Variants in ZNF141 observed in about 807,000 individuals in gnomAD.
ZNF141 encodes the protein zinc finger protein 141, also known as zinc finger protein 141 (clone pHZ-44).
Under a neutral mutation model 11.3 loss-of-function variants are expected in ZNF141, and 7 were observed. That is an observed-to-expected ratio of 0.62 (90% CI 0.35 to 1.16). ZNF141 has a LOEUF of 1.16. ZNF141 is among the 50% of genes most tolerant of loss of function. ZNF141 has a pLI of 0.02. For missense variants in ZNF141, 535 were observed against 554.0 expected, an observed-to-expected ratio of 0.97 and a Z score of 0.34; for synonymous variants, 183 against 190.7, an observed-to-expected ratio of 0.96 and a Z score of 0.33.
intron 3 of ZNF141, among the ~76,000 whole-genome samples, chr4:346,893 A>ACACC (rs373224939): frequency 0.018 from 2,492 of 135,132 alleles, 115 homozygotes; most frequent in African/African-American, 0.028. Context: ...ACACACACAC[A>ACACC]CCGCCCCCCC....
At chr4:338,392 C>CA (rs1229927883) in intron 1 of ZNF141, 2 of 186,180 alleles carry the variant, frequency 1.1e-5, no homozygotes, top group African/African-American at 4.8e-5. Context: ...AATGGGGACT[C>CA]ATTAATGGGA....
chr4:374,700 GAT>G lies in ZNF141; in HGVS notation c.*839_*840del, dbSNP rs1449516213. On this transcript the variant is annotated 3_prime_UTR_variant, in exon 4 of 4. Transcript: ENST00000240499. ...GATATAAAACCATAGAAATGTAAAA[GAT>G]GTGACAAAACCTTTAAGCCATACTC... 1.9e-5 allele frequency: 3 copies of G among 153,908 alleles called. No homozygotes were observed. Among genetic ancestry groups the G allele is most frequent in the Non-Finnish European group, 4.3e-5 (3 of 68,972 alleles). 9.5% of individuals were successfully genotyped at this position (153,908 alleles called of 1,614,324 possible). A position where few individuals can be genotyped will look rare whatever the true frequency, so the allele number is the denominator to read the frequency against.
chr4:369,764 A>ATTTTTTTTTTTTTTTTT (rs34509477), intron 3 of ZNF141, among the ~76,000 whole-genome samples: 7 of 48,722 alleles, frequency 1.4e-4, no homozygotes, highest in African/African-American at 1.0e-3. Flanking sequence ...ATATATATAT[A>ATTTTTTTTTTTTTTTTT]TTTTTTTTTT....
At position 339,015 on chromosome 4, in the gene ZNF141, A is replaced by G. The variant is rs535855919; in HGVS notation, c.3+1029A>G. 2.0e-4 allele frequency among the ~76,000 whole-genome samples: 31 copies of G among 152,286 alleles called. No individual in the cohort carries two copies. The East Asian group carries it at 5.6e-3, about 28-fold the overall frequency. Reference sequence around the variant, plus strand: ...GGGCGCTGAGAACTTGGAGGAAAGGAGTTCTGAGAAACATCCCTTCCCTGC... The same window carrying G: ...GGGCGCTGAGAACTTGGAGGAAAGGGGTTCTGAGAAACATCCCTTCCCTGC... On this transcript the variant is annotated intron_variant, in intron 1 of 3. Coordinates refer to ENST00000240499, the MANE Select transcript of ZNF141 (RefSeq NM_003441.4).
intron 3 of ZNF141, among the ~76,000 whole-genome samples, chr4:365,594 T>G (rs1553852847): frequency 6.6e-6 from 1 of 152,294 alleles, no homozygotes. Context: ...CTGTAGATTA[T>G]CTCTTCACTT....
At chr4:367,762 G>A (rs552071795) in intron 3 of ZNF141, among the ~76,000 whole-genome samples, 14 of 151,916 alleles carry the variant, frequency 9.2e-5, no homozygotes, top group Non-Finnish European at 1.8e-4. Flanking sequence ...TGATCTGTCC[G>A]CCACGGCCTC....
chr4:344,530 T>A, intron 3 of ZNF141, 100 bp downstream of exon 3: 3 of 959,580 alleles, frequency 3.1e-6, no homozygotes, highest in Non-Finnish European at 4.6e-6. Flanking sequence ...GTGCAGTGGC[T>A]CATGCCTGTA....
intron 3 of ZNF141, among the ~76,000 whole-genome samples, chr4:359,554 C>T (rs1403381482): frequency 4.6e-5 from 7 of 152,064 alleles, no homozygotes; most frequent in African/African-American, 1.7e-4. Context: ...ATTTCTCCCT[C>T]CAGATTTCTA....
chr4:359,925 G>A (rs1191728073), intron 3 of ZNF141, among the ~76,000 whole-genome samples: 1 of 152,178 alleles, frequency 6.6e-6, no homozygotes, highest in East Asian at 1.9e-4. Context: ...ACAGACAGAA[G>A]CAACATCTAA....
intron 3 of ZNF141, among the ~76,000 whole-genome samples, chr4:362,220 G>C (rs1711527421): frequency 6.6e-6 from 1 of 152,094 alleles, no homozygotes; most frequent in African/African-American, 2.4e-5. Context: ...CTTTTTGATA[G>C]GGTTGTTTGA....
rs1321182710 is a variant in ZNF141, at chr4:345,729, C to CAAAAA, written c.226+1316_226+1320dup. 7.0e-3 allele frequency among the ~76,000 whole-genome samples: 454 copies of CAAAAA among 64,562 alleles called. 5 individuals carry two copies. The highest frequency in any genetic ancestry group is 0.064 in the Middle Eastern group (6 of 94). 42.4% of individuals were successfully genotyped at this position (64,562 alleles called of 152,430 possible). A position where few individuals can be genotyped will look rare whatever the true frequency, so the allele number is the denominator to read the frequency against. ...GGCAACAAGAGTGAAACTCTGTCTC[C>CAAAAA]AAAAAAAAAAAAAAAAAAAAAGTTT... is the stretch of plus-strand genomic sequence containing the variant. On this transcript the variant is annotated intron_variant, in intron 3 of 3. Transcript: ENST00000240499.
At position 372,718 on chromosome 4, in the gene ZNF141, C is replaced by G. The variant is rs1322017019; in HGVS notation, c.281C>G (p.Ser94Ter). 9.3e-6 allele frequency: 15 copies of G among 1,607,340 alleles called. No homozygotes were observed. The highest frequency in any genetic ancestry group is 5.4e-5 in the African/African-American group (4 of 74,662). Reference sequence around the variant, plus strand: ...TGGCCAGTGCAGGGCATAGAAGATTCATTCCACAAACTTATACTGAGAAGA... The same window carrying G: ...TGGCCAGTGCAGGGCATAGAAGATTGATTCCACAAACTTATACTGAGAAGA... ...DHWPVQGIED[S>*]FHKLILRRYE... Residue 94 changes from serine (S) to a stop codon, truncating the protein, a stop_gained, in exon 4 of 4, where the codon TCA becomes TGA. Transcript: ENST00000240499. LOFTEE classifies it low-confidence loss of function (END_TRUNC).
chr4:354,957 T>G (rs184511312), intron 3 of ZNF141, among the ~76,000 whole-genome samples: 3 of 152,202 alleles, frequency 2.0e-5, no homozygotes, highest in Admixed American at 6.5e-5. Context: ...TGGGCCAGAT[T>G]TATGACAGGT....
chr4:356,977 T>C (rs1402298658), intron 3 of ZNF141, among the ~76,000 whole-genome samples: 1 of 152,170 alleles, frequency 6.6e-6, no homozygotes, highest in Non-Finnish European at 1.5e-5. Context: ...TTTGTACAGA[T>C]AGGGTCTTAC....
At chr4:371,599 G>T (rs1321895575) in intron 3 of ZNF141, among the ~76,000 whole-genome samples, 2 of 150,330 alleles carry the variant, frequency 1.3e-5, no homozygotes, top group Non-Finnish European at 1.5e-5. Flanking sequence ...GAGTGCAGTG[G>T]CATGATCTCG....
rs1186780062 is a variant in ZNF141, at chr4:376,389, CA to C, written c.*2529del. Among the ~76,000 whole-genome samples, 1 of 151,992 alleles carries C rather than the reference CA, an allele frequency of 6.6e-6. No individual in the cohort carries two copies. Among genetic ancestry groups the C allele is most frequent in the Non-Finnish European group, 1.5e-5 (1 of 67,892 alleles). On this transcript the variant is annotated 3_prime_UTR_variant, in exon 4 of 4. Transcript: ENST00000240499. ...TGGGTTATTTTCTTATACAGGCATA[CA>C]ACATGTAATATACCAGAGTAAATGA...
chr4:368,337 G>T (rs1169124391), intron 3 of ZNF141, among the ~76,000 whole-genome samples: 1 of 152,068 alleles, frequency 6.6e-6, no homozygotes. Flanking sequence ...CACGTCCCAG[G>T]TTCAAGCAAT....
Position 337,883 on chromosome 4 carries a change from G to C in ZNF141, c.-101G>C. ...TCTCTCTGCGTTCTCAGTTGTGGGA[G>C]GCCTTGGTGATTCGGCCACAGCTCA... On this transcript the variant is annotated 5_prime_UTR_variant, in exon 1 of 4. Coordinates refer to ENST00000240499, the MANE Select transcript of ZNF141 (RefSeq NM_003441.4). 1 of 1,411,614 alleles carries C rather than the reference G, an allele frequency of 7.1e-7. No homozygotes were observed. Among genetic ancestry groups the C allele is most frequent in the Non-Finnish European group, 9.6e-7 (1 of 1,046,304 alleles). The allele number at this position is 1,411,614 out of a possible 1,614,324, so 87.4% of individuals were successfully genotyped here.
rs1712477012 is a variant in ZNF141 at position 378,633 on chromosome 4, T to G, written c.*4771T>G. 6.6e-6 allele frequency among the ~76,000 whole-genome samples: 1 copy of G among 152,136 alleles called. No homozygotes were observed. The highest frequency in any genetic ancestry group is 2.4e-5 in the African/African-American group (1 of 41,422). ...AAACAATAGAATGATCTCTGTAGAT[T>G]CAAAATCTGCACTGATCTTTTTTGT... is the stretch of plus-strand genomic sequence containing the variant. On this transcript the variant is annotated 3_prime_UTR_variant, in exon 4 of 4. Coordinates refer to ENST00000240499, the MANE Select transcript of ZNF141 (RefSeq NM_003441.4).
Sources: allele counts gnomAD v4.1 joint callset (sites outside exome capture counted in the v4.1 genomes callset), GRCh38; gene constraint gnomAD v4.1.1; transcripts MANE v1.5; gene names NCBI Gene and HGNC (gene_info 2026-07-23, HGNC 2026-07-21).